VWA8: variants seen among roughly 807,000 people sequenced by gnomAD.
VWA8 encodes von Willebrand factor A domain containing 8, also known as von Willebrand factor A domain-containing protein 8.
VWA8 carries 221 observed loss-of-function variants against 241.5 expected under a neutral mutation model. The ratio of observed to expected loss-of-function variants is 0.91; its 90% CI spans 0.82 to 1.02. The LOEUF is 1.02. Ranked by LOEUF, VWA8 falls within the 50% of genes least tolerant of loss-of-function variation. The pLI, the probability that VWA8 is intolerant of heterozygous loss-of-function variation, is 0.00. For synonymous variants in VWA8, 852 were observed against 827.1 expected, an observed-to-expected ratio of 1.03 and a Z score of -0.52; for missense variants, 2,322 against 2,328.7, an observed-to-expected ratio of 1.00 and a Z score of 0.06.
At position 41,602,112 on chromosome 13, in the gene VWA8, C is replaced by T. The variant is rs567785395; in HGVS notation, c.4986+3056G>A. Among the ~76,000 whole-genome samples, 74 of 152,144 alleles carry T rather than the reference C, an allele frequency of 4.9e-4. No individual in the cohort carries two copies. In the South Asian group the frequency reaches 0.013, roughly 27 times the overall value. On this transcript the variant is annotated intron_variant, in intron 40 of 44. Coordinates refer to ENST00000379310, the MANE Select transcript of VWA8 (RefSeq NM_015058.2). ...TATTCTACACAAGGCCGTGTCCATG[C>T]TTGGTGAGTAGCTAGGTTTTAAACT...
chr13:41,825,709 G>A (rs1871146246), intron 14 of VWA8, among the ~76,000 whole-genome samples: 1 of 152,120 alleles, frequency 6.6e-6, no homozygotes, highest in African/African-American at 2.4e-5. Flanking sequence ...AATAAAAGCT[G>A]AGTTTCTTTA....
chr13:41,823,420 T>G (rs1420078606), intron 14 of VWA8, among the ~76,000 whole-genome samples: 1 of 152,182 alleles, frequency 6.6e-6, no homozygotes, highest in Non-Finnish European at 1.5e-5. Context: ...CTTTATTGTT[T>G]CCCCAAGATA....
chr13:41,703,370 A>G lies in VWA8; in HGVS notation c.3158T>C (p.Ile1053Thr), dbSNP rs2045262516. 2.5e-6 allele frequency: 4 copies of G among 1,614,090 alleles called. No homozygotes were observed. Among genetic ancestry groups the G allele is most frequent in the East Asian group, 2.2e-5 (1 of 44,856 alleles). The change falls in exon 27 of 45, where the codon ATT becomes ACT. Residue 1053 changes from isoleucine to threonine, a missense_variant. Transcript: ENST00000379310. ...TTGCATCCCACTTCTTGCCTGACCAATTGTCCAGTAGCCCATGAACGTTTG... is the reference window on the plus strand; with the variant it reads ...TTGCATCCCACTTCTTGCCTGACCAGTTGTCCAGTAGCCCATGAACGTTTG... ...PEQTFMGYWT[I>T]GQARSGMQKL...
intron 43 of VWA8, among the ~76,000 whole-genome samples, chr13:41,574,406 A>AT (rs929440163): frequency 2.3e-4 from 35 of 149,664 alleles, no homozygotes; most frequent in African/African-American, 7.6e-4. Context: ...CAAAACACTG[A>AT]TGAAAGAAAT....
In VWA8 at chr13:41,703,370, A is replaced by C; in HGVS notation, c.3158T>G (p.Ile1053Ser). The change falls in exon 27 of 45, where the codon ATT becomes AGT. Residue 1053 changes from isoleucine to serine, a missense_variant. By Grantham distance (142) the Ile-to-Ser change is moderately radical. Coordinates refer to ENST00000379310, the MANE Select transcript of VWA8 (RefSeq NM_015058.2). The part of the protein sequence containing the change: ...PEQTFMGYWT[I>S]GQARSGMQKL... ...TTGCATCCCACTTCTTGCCTGACCA[A>C]TTGTCCAGTAGCCCATGAACGTTTG... The C allele has an allele frequency of 6.2e-7, 1 of 1,614,090 alleles. No individual in the cohort carries two copies. Among genetic ancestry groups the C allele is most frequent in the Non-Finnish European group, 8.5e-7 (1 of 1,179,966 alleles).
At chr13:41,665,604 G>A (rs1397391712) in intron 37 of VWA8, among the ~76,000 whole-genome samples, 1 of 151,678 alleles carries the variant, frequency 6.6e-6, no homozygotes. Flanking sequence ...AAATGTAAGT[G>A]TATACCTAAC....
chr13:41,711,892 T>C (rs1015516356), intron 26 of VWA8, among the ~76,000 whole-genome samples: 1 of 151,880 alleles, frequency 6.6e-6, no homozygotes, highest in Non-Finnish European at 1.5e-5. Flanking sequence ...AAAAAAGAAA[T>C]TTTAAAAAGA....
At chr13:41,744,911 T>C (rs1424295452) in intron 21 of VWA8, among the ~76,000 whole-genome samples, 1 of 152,048 alleles carries the variant, frequency 6.6e-6, no homozygotes, top group South Asian at 2.1e-4. Context: ...AATCTCGGCA[T>C]ACTGCAAGCT....
chr13:41,571,812 G>A (rs1424087547), intron 43 of VWA8, among the ~76,000 whole-genome samples: 2 of 151,286 alleles, frequency 1.3e-5, no homozygotes, highest in African/African-American at 2.4e-5. Context: ...GCCGCCCATC[G>A]TCTGGGATGT....
intron 2 of VWA8, among the ~76,000 whole-genome samples, chr13:41,939,381 G>A (rs968451479): frequency 1.3e-5 from 2 of 152,086 alleles, no homozygotes; most frequent in African/African-American, 4.8e-5. Context: ...AAGTAAAAAA[G>A]CATTTATCCA....
At chr13:41,849,530 C>G (rs1872433695) in intron 12 of VWA8, among the ~76,000 whole-genome samples, 1 of 152,174 alleles carries the variant, frequency 6.6e-6, no homozygotes, top group South Asian at 2.1e-4. Context: ...ACTATAAAAT[C>G]CTGAGGACTC....
At chr13:41,753,674 T>A (rs984410354) in intron 21 of VWA8, among the ~76,000 whole-genome samples, 2 of 152,176 alleles carry the variant, frequency 1.3e-5, no homozygotes, top group Non-Finnish European at 2.9e-5. Flanking sequence ...ATGGCCATAT[T>A]TAAAAGTACA....
At chr13:41,685,343 T>G in intron 34 of VWA8, 101 bp from the exon 35 acceptor site, 1 of 1,094,554 alleles carries the variant, frequency 9.1e-7, no homozygotes. Flanking sequence ...GGGAAACTAA[T>G]GTTTCACAGG....
intron 4 of VWA8, among the ~76,000 whole-genome samples, chr13:41,894,926 T>C (rs1875023597): frequency 6.6e-6 from 1 of 152,014 alleles, no homozygotes. Context: ...TGCAAAATAA[T>C]TGGCCATGAG....
chr13:41,829,573 A>ACACACACG (rs1871339301), intron 14 of VWA8, among the ~76,000 whole-genome samples: 3 of 151,466 alleles, frequency 2.0e-5, no homozygotes, highest in Non-Finnish European at 4.4e-5. Context: ...ACACATGCAC[A>ACACACACG]CACACACACA....
Position 41,573,418 on chromosome 13 carries a change from A to AAAAC in VWA8, c.5370+2318_5370+2321dup, listed in dbSNP as rs1555303538. Among the ~76,000 whole-genome samples, 16 of 104,312 alleles carry AAAAC rather than the reference A, an allele frequency of 1.5e-4. No individual in the cohort carries two copies. The South Asian group carries it at 4.8e-3, about 31-fold the overall frequency. 68.4% of individuals were successfully genotyped at this position (104,312 alleles called of 152,430 possible). On this transcript the variant is annotated intron_variant, in intron 43 of 44. Transcript: ENST00000379310. ...GAGCAACGGAGCAAGACTCCATCTC[A>AAAAC]AAACAAACAAAGAATAAGACCTAGT...
chr13:41,912,248 T>G, intron 2 of VWA8, 80 bp from the exon 3 acceptor site: 1 of 459,090 alleles, frequency 2.2e-6, no homozygotes, highest in Non-Finnish European at 3.1e-6. Context: ...TGGACATATT[T>G]ATATATATAT....
At chr13:41,750,475 A>AC (rs1294839941) in intron 21 of VWA8, among the ~76,000 whole-genome samples, 2 of 124,512 alleles carry the variant, frequency 1.6e-5, no homozygotes, top group Non-Finnish European at 3.7e-5. Flanking sequence ...AAAAACAAAA[A>AC]AAAAAGGAAA....
At chr13:41,605,995 G>A (rs542756262) in intron 39 of VWA8, among the ~76,000 whole-genome samples, 4 of 152,212 alleles carry the variant, frequency 2.6e-5, no homozygotes, top group Middle Eastern at 3.4e-3. Context: ...CACATGCCCT[G>A]CAAGTGCTTC....
Sources: gnomAD v4.1 joint callset for allele counts (sites outside exome capture counted in the v4.1 genomes callset) on GRCh38, gnomAD v4.1.1 for gene constraint, MANE v1.5 for transcripts, NCBI Gene and HGNC (gene_info 2026-07-23, HGNC 2026-07-21) for gene names.